RBMS3: variants seen among roughly 807,000 people sequenced by gnomAD.
The protein encoded by RBMS3 is RNA-binding motif, single-stranded-interacting protein 3.
In RBMS3, 27 loss-of-function variants were observed where a neutral mutation model predicts 66.8. The observed-to-expected ratio is 0.40, with a 90% confidence interval of 0.30 to 0.56. RBMS3 has a LOEUF of 0.56. Ranked by LOEUF, RBMS3 falls within the 20% of genes least tolerant of loss-of-function variation. The probability of loss-of-function intolerance (pLI) is 0.40; values close to 1 mark genes in which losing one functional copy is unlikely to be tolerated. For missense variants in RBMS3, 513 were observed against 549.5 expected (o/e 0.93, Z 0.66); for synonymous variants, 188 against 183.0 (o/e 1.03, Z -0.22).
chr3:29,856,080 A>G (rs1477034829), intron 6 of RBMS3, among the ~76,000 whole-genome samples: 1 of 152,224 alleles, frequency 6.6e-6, no homozygotes, highest in Non-Finnish European at 1.5e-5. Context: ...AAAAATATTT[A>G]ATGTCTGCTT....
chr3:29,750,436 A>T (rs9824543), intron 5 of RBMS3, among the ~76,000 whole-genome samples: 19 of 151,516 alleles, frequency 1.3e-4, no homozygotes, highest in Non-Finnish European at 2.1e-4. Flanking sequence ...ACAATGTAAT[A>T]TAATAATCAT....
In RBMS3 at chr3:30,008,959, A is replaced by ATACTC. The variant is rs1320002448; in HGVS notation, c.*5100_*5104dup. On this transcript the variant is annotated 3_prime_UTR_variant, in exon 15 of 15. Transcript: ENST00000383767. ...ATTAATTTCTTTTATCATTGGCTTT[A>ATACTC]TACTCTAACATATAGATACTCTCTA... 1 of 152,134 alleles carries ATACTC rather than the reference A, an allele frequency of 6.6e-6. No individual in the cohort carries two copies. The highest frequency in any genetic ancestry group is 1.5e-5 in the Non-Finnish European group (1 of 67,976). The allele number at this position is 152,134 out of a possible 1,614,324, so 9.4% of individuals were successfully genotyped here. A position where few individuals can be genotyped will look rare whatever the true frequency, so the allele number is the denominator to read the frequency against.
At chr3:29,906,280 C>T (rs1032407787) in intron 10 of RBMS3, among the ~76,000 whole-genome samples, 2 of 152,006 alleles carry the variant, frequency 1.3e-5, no homozygotes, top group Non-Finnish European at 2.9e-5. Flanking sequence ...ATATAGCTCA[C>T]AATTCTGGAG....
At chr3:29,771,953 A>T (rs1181540275) in intron 6 of RBMS3, among the ~76,000 whole-genome samples, 1 of 151,974 alleles carries the variant, frequency 6.6e-6, no homozygotes, top group East Asian at 1.9e-4. Flanking sequence ...TGAGGATTAC[A>T]ATTTGACATG....
intron 12 of RBMS3, among the ~76,000 whole-genome samples, chr3:29,966,345 G>T (rs1236015554): frequency 1.3e-5 from 2 of 152,176 alleles, no homozygotes; most frequent in Admixed American, 6.5e-5. Flanking sequence ...CCATCCATGA[G>T]CATGGGATGT....
rs1489227510 is a variant in RBMS3 at position 29,477,588 on chromosome 3, GAT to G, written c.249-10851_249-10850del. Reference sequence around the variant, plus strand: ...TAATAAAATACAGCATTTTATCACTGATACAATTAATGATCCAATTGCCATCT... The same window carrying G: ...TAATAAAATACAGCATTTTATCACTGACAATTAATGATCCAATTGCCATCT... On this transcript the variant is annotated intron_variant, in intron 2 of 14. Transcript: ENST00000383767. 2.0e-5 allele frequency among the ~76,000 whole-genome samples: 3 copies of G among 151,820 alleles called. No individual in the cohort carries two copies. The East Asian group carries it at 5.8e-4, about 30-fold the overall frequency.
At chr3:29,376,957 C>T (rs1309666412) in intron 1 of RBMS3, among the ~76,000 whole-genome samples, 8 of 151,732 alleles carry the variant, frequency 5.3e-5, no homozygotes, top group South Asian at 2.1e-4. Flanking sequence ...GACGTGGTGG[C>T]GGATGCCTGT....
In RBMS3 at chr3:29,382,993, G is replaced by A. The variant is rs537566834; in HGVS notation, c.76-51750G>A. ...ATCAAACAAGCAAATGAGAAAACCT[G>A]TTCACTTGTTCAATGGGTCAGGTGT... On this transcript the variant is annotated intron_variant, in intron 1 of 14. Coordinates refer to ENST00000383767, the MANE Select transcript of RBMS3 (RefSeq NM_001003793.3). 6.6e-5 allele frequency among the ~76,000 whole-genome samples: 10 copies of A among 152,326 alleles called. No individual in the cohort carries two copies. In the South Asian group the frequency reaches 2.1e-3, roughly 32 times the overall value.
intron 1 of RBMS3, among the ~76,000 whole-genome samples, chr3:29,402,463 AG>A (rs147020748): frequency 0.012 from 1,757 of 152,184 alleles, 42 homozygotes; most frequent in African/African-American, 0.041. Flanking sequence ...GCAGTGATGT[AG>A]GTTTTTACAA....
At chr3:29,664,754 A>G (rs1479655200) in intron 4 of RBMS3, among the ~76,000 whole-genome samples, 1 of 152,086 alleles carries the variant, frequency 6.6e-6, no homozygotes, top group East Asian at 1.9e-4. Flanking sequence ...ATAGCTAAAC[A>G]TTTTGGATGT....
At chr3:29,880,779 G>T in intron 7 of RBMS3, 1 of 1,535,944 alleles carries the variant, frequency 6.5e-7, no homozygotes, top group Non-Finnish European at 8.7e-7. Flanking sequence ...CTTGCCAAAG[G>T]TACTCAGAGG....
intron 1 of RBMS3, among the ~76,000 whole-genome samples, chr3:29,393,973 C>T (rs1331152949): frequency 6.6e-6 from 1 of 152,178 alleles, no homozygotes; most frequent in Non-Finnish European, 1.5e-5. Flanking sequence ...CCATGTCCCA[C>T]TGGGCATGCA....
chr3:29,497,251 C>A (rs910476012), intron 3 of RBMS3, among the ~76,000 whole-genome samples: 30 of 152,028 alleles, frequency 2.0e-4, no homozygotes, highest in African/African-American at 6.8e-4. Context: ...CATCATGATC[C>A]GCCCGCCTCA....
At chr3:29,483,040 A>C (rs1383246815) in intron 2 of RBMS3, among the ~76,000 whole-genome samples, 1 of 151,510 alleles carries the variant, frequency 6.6e-6, no homozygotes, top group East Asian at 1.9e-4. Context: ...TATGAAGGAA[A>C]ATTTATTTGA....
chr3:29,691,947 C>CTCTCTCTCTCTCTCTTTTTTTTTTTTTT (rs1218393454), intron 4 of RBMS3, among the ~76,000 whole-genome samples: 1 of 53,536 alleles, frequency 1.9e-5, no homozygotes. Context: ...CTCTCTCTCT[C>CTCTCTCTCTCTCTCTTTTTTTTTTTTTT]TATTTTTTTT....
intron 1 of RBMS3, among the ~76,000 whole-genome samples, chr3:29,292,611 G>A (rs1031865620): frequency 6.6e-6 from 1 of 151,722 alleles, no homozygotes; most frequent in Non-Finnish European, 1.5e-5. Flanking sequence ...CGTTTAAACT[G>A]TGAAGAGTCT....
At chr3:29,734,192 A>T (rs2054272423) in intron 4 of RBMS3, among the ~76,000 whole-genome samples, 1 of 152,084 alleles carries the variant, frequency 6.6e-6, no homozygotes, top group Non-Finnish European at 1.5e-5. Context: ...GAGCTAAAAA[A>T]CTTGAACTCA....
rs1346894884 is a variant in RBMS3, at chr3:29,281,165, C to CCTTTCTTTTTCTTTCTTT, written c.-492_-475dup. ...TTTTTCTTTTTTTTTTTCTTTTTCC[C>CCTTTCTTTTTCTTTCTTT]CTTTCTTTTTCTTTCTTTCTTTCTT... On this transcript the variant is annotated 5_prime_UTR_variant, in exon 1 of 15. Transcript: ENST00000383767. The CCTTTCTTTTTCTTTCTTT allele has an allele frequency of 6.0e-5, 8 of 133,310 alleles. No individual in the cohort carries two copies. The highest frequency in any genetic ancestry group is 1.5e-4 in the Admixed American group (2 of 13,042). 8.3% of individuals were successfully genotyped at this position (133,310 alleles called of 1,614,324 possible).
intron 10 of RBMS3, among the ~76,000 whole-genome samples, chr3:29,929,689 A>T (rs1242076560): frequency 6.6e-6 from 1 of 152,216 alleles, no homozygotes; most frequent in Non-Finnish European, 1.5e-5. Flanking sequence ...TATGTTTATA[A>T]TTAATAGATA....
Sources: allele counts gnomAD v4.1 joint callset (sites outside exome capture counted in the v4.1 genomes callset), GRCh38; gene constraint gnomAD v4.1.1; transcripts MANE v1.5; gene names NCBI Gene and HGNC (gene_info 2026-07-23, HGNC 2026-07-21).